The following TFDP2 variants were observed in gnomAD, a reference collection of about 807,000 sequenced individuals.
TFDP2 encodes transcription factor Dp-2 (E2F dimerization partner 2).
TFDP2 carries 17 observed loss-of-function variants against 59.3 expected under a neutral mutation model. That is an observed-to-expected ratio of 0.29 (90% CI 0.20 to 0.43). The LOEUF is 0.43. Ranked by LOEUF, TFDP2 falls within the 20% of genes least tolerant of loss-of-function variation. TFDP2 has a pLI of 1.00. For missense variants in TFDP2, 391 were observed against 528.8 expected (o/e 0.74, Z 2.56); for synonymous variants, 180 against 194.7 (o/e 0.92, Z 0.63).
intron 1 of TFDP2, among the ~76,000 whole-genome samples, chr3:142,133,097 C>A (rs1000239964): frequency 6.7e-6 from 1 of 150,312 alleles, no homozygotes; most frequent in Non-Finnish European, 1.5e-5. Flanking sequence ...TTAAAACCTA[C>A]TATAAAGCTT....
chr3:142,002,771 G>A (rs1943905087), intron 4 of TFDP2, among the ~76,000 whole-genome samples: 1 of 151,976 alleles, frequency 6.6e-6, no homozygotes, highest in Non-Finnish European at 1.5e-5. Flanking sequence ...TGTTTGTTAT[G>A]GCCACACCCC....
At position 141,969,104 on chromosome 3, in the gene TFDP2, C is replaced by A. The variant is rs1305122829; in HGVS notation, c.732+969G>T. Among the ~76,000 whole-genome samples, 47 of 63,982 alleles carry A rather than the reference C, an allele frequency of 7.3e-4. 7 individuals are homozygous for A. Among genetic ancestry groups the A allele is most frequent in the African/African-American group, 2.5e-3 (40 of 15,940 alleles). The allele number at this position is 63,982 out of a possible 152,430, so 42.0% of individuals were successfully genotyped here. A position where few individuals can be genotyped will look rare whatever the true frequency, so the allele number is the denominator to read the frequency against. ...ATATATATATAACATATATATATATCTCATATATATGAGATATATATATAA... is the reference window on the plus strand; with the variant it reads ...ATATATATATAACATATATATATATATCATATATATGAGATATATATATAA... On this transcript the variant is annotated intron_variant, in intron 9 of 12. Transcript: ENST00000489671.
intron 1 of TFDP2, among the ~76,000 whole-genome samples, chr3:142,142,443 A>G (rs997336505): frequency 2.4e-4 from 37 of 152,354 alleles, no homozygotes; most frequent in Admixed American, 5.9e-4. Context: ...GATCAAAGAA[A>G]TTGAAGAGGA....
chr3:142,000,680 C>T (rs1365486611), intron 4 of TFDP2, among the ~76,000 whole-genome samples: 1 of 152,160 alleles, frequency 6.6e-6, no homozygotes, highest in Admixed American at 6.5e-5. Flanking sequence ...GAGGCAAATT[C>T]CCCTCCAGCT....
chr3:142,045,682 A>G (rs917572101), intron 3 of TFDP2, among the ~76,000 whole-genome samples: 30 of 144,954 alleles, frequency 2.1e-4, no homozygotes, highest in Admixed American at 6.3e-4. Flanking sequence ...GCAGTATCTC[A>G]GCTCACTGCA....
At chr3:142,002,320 T>G (rs112533419) in intron 4 of TFDP2, among the ~76,000 whole-genome samples, 20 of 128,794 alleles carry the variant, frequency 1.6e-4, no homozygotes, top group African/African-American at 4.7e-4. Context: ...TTTTAGTGTT[T>G]TTTTTTTTTT....
chr3:142,071,439 TG>T (rs2108547452), intron 3 of TFDP2, among the ~76,000 whole-genome samples: 1 of 152,276 alleles, frequency 6.6e-6, no homozygotes, highest in African/African-American at 2.4e-5. Flanking sequence ...AATACACGCG[TG>T]AGCCACCGCA....
intron 1 of TFDP2, among the ~76,000 whole-genome samples, chr3:142,139,124 CTTCT>C (rs757612420): frequency 8.5e-5 from 13 of 152,276 alleles, no homozygotes; most frequent in South Asian, 4.1e-4. Context: ...GCGTAATGGC[CTTCT>C]TTGTCTCTTT....
intron 1 of TFDP2, among the ~76,000 whole-genome samples, chr3:142,115,655 G>C (rs1442033567): frequency 6.6e-6 from 1 of 152,170 alleles, no homozygotes; most frequent in East Asian, 1.9e-4. Flanking sequence ...TGCATGTAGA[G>C]AAATACACTT....
chr3:142,036,338 T>C (rs946813714), intron 3 of TFDP2, among the ~76,000 whole-genome samples: 3 of 152,222 alleles, frequency 2.0e-5, no homozygotes, highest in African/African-American at 7.2e-5. Context: ...GGTAAATTAA[T>C]GCTTATCCTC....
chr3:142,093,843 G>T, intron 2 of TFDP2: 1 of 317,072 alleles, frequency 3.2e-6, no homozygotes, highest in Non-Finnish European at 6.5e-6. Context: ...TAAATTGGAG[G>T]GTGATACCAG....
chr3:141,982,015 C>T (rs752835033), intron 6 of TFDP2, among the ~76,000 whole-genome samples: 3 of 152,154 alleles, frequency 2.0e-5, no homozygotes, highest in Non-Finnish European at 2.9e-5. Flanking sequence ...TTTTAAACCT[C>T]CTAATCAGCA....
At chr3:142,103,274 CTAAAAACATA>C (rs921263254) in intron 1 of TFDP2, among the ~76,000 whole-genome samples, 47 of 151,582 alleles carry the variant, frequency 3.1e-4, no homozygotes, top group African/African-American at 1.1e-3. Context: ...TAAAAAAAGA[CTAAAAACATA>C]TGAAAACTGA....
At chr3:142,111,382 C>T (rs1192325243) in intron 1 of TFDP2, among the ~76,000 whole-genome samples, 1 of 143,868 alleles carries the variant, frequency 7.0e-6, no homozygotes, top group South Asian at 2.2e-4. Context: ...TAGCTGAGAT[C>T]GTGCCACTGC....
At chr3:141,981,085 G>C (rs1382089247) in intron 6 of TFDP2, among the ~76,000 whole-genome samples, 1 of 151,912 alleles carries the variant, frequency 6.6e-6, no homozygotes, top group Non-Finnish European at 1.5e-5. Flanking sequence ...GCAACTTCCA[G>C]TCCTGCAAGC....
At chr3:142,026,120 C>G (rs6803712) in intron 3 of TFDP2, among the ~76,000 whole-genome samples, 1 of 152,070 alleles carries the variant, frequency 6.6e-6, no homozygotes, top group Non-Finnish European at 1.5e-5. Context: ...GACCATCAGG[C>G]CGAGGTGGGC....
At chr3:141,975,189 G>C (rs1940441750) in intron 7 of TFDP2, among the ~76,000 whole-genome samples, 1 of 151,830 alleles carries the variant, frequency 6.6e-6, no homozygotes, top group African/African-American at 2.4e-5. Context: ...TAGGATTACA[G>C]GTGTGAGCCA....
rs1935273354 is a variant in TFDP2, at chr3:141,946,595, C to T, written c.*5918G>A. The T allele has an allele frequency of 6.6e-6, 1 of 152,204 alleles. No individual in the cohort carries two copies. The highest frequency in any genetic ancestry group is 1.5e-5 in the Non-Finnish European group (1 of 68,038). 9.4% of individuals were successfully genotyped at this position (152,204 alleles called of 1,614,324 possible). On this transcript the variant is annotated 3_prime_UTR_variant, in exon 13 of 13. Coordinates refer to ENST00000489671, the MANE Select transcript of TFDP2 (RefSeq NM_001178139.2). The stretch of plus-strand genomic sequence containing the variant: ...TGCCCACTCACTTTTTCTTCTTTAG[C>T]ATACTGTGGAGTGAGACATGTGGGA...
At chr3:142,112,056 ACT>A (rs1262439717) in intron 1 of TFDP2, among the ~76,000 whole-genome samples, 4 of 150,644 alleles carry the variant, frequency 2.7e-5, no homozygotes, top group Non-Finnish European at 5.9e-5. Context: ...ACAGAGCAAG[ACT>A]CTGTCTAAAA....
Sources: gnomAD v4.1 joint callset for allele counts (sites outside exome capture counted in the v4.1 genomes callset) on GRCh38, gnomAD v4.1.1 for gene constraint, MANE v1.5 for transcripts, NCBI Gene and HGNC (gene_info 2026-07-23, HGNC 2026-07-21) for gene names.